CDC42BPB: variants seen among roughly 807,000 people sequenced by gnomAD.
CDC42BPB encodes serine/threonine-protein kinase MRCK beta.
A neutral mutation model predicts 214.9 loss-of-function variants in CDC42BPB; 37 were observed. The ratio of observed to expected loss-of-function variants is 0.17; its 90% CI spans 0.13 to 0.23. CDC42BPB has a LOEUF of 0.23. CDC42BPB is among the 10% of genes least tolerant of loss of function. The pLI is 1.00. For synonymous variants in CDC42BPB, 931 were observed against 884.0 expected (o/e 1.05, Z -0.94); for missense variants, 1,694 against 2,227.0 (o/e 0.76, Z 4.82).
At chr14:102,987,381 C>A (rs1041148836) in intron 5 of CDC42BPB, among the ~76,000 whole-genome samples, 2 of 152,252 alleles carry the variant, frequency 1.3e-5, no homozygotes, top group Non-Finnish European at 2.9e-5. Flanking sequence ...CATGACTCAA[C>A]AGTATGAATG....
At chr14:103,050,782 A>C (rs149568112) in intron 1 of CDC42BPB, among the ~76,000 whole-genome samples, 1 of 151,952 alleles carries the variant, frequency 6.6e-6, no homozygotes, top group Admixed American at 6.6e-5. Context: ...AATTCTTAAC[A>C]GTTTTCCAAC....
intron 20 of CDC42BPB, 128 bp from the exon 21 acceptor site, chr14:102,959,838 TAAAAAA>T (rs35833302): frequency 5.7e-5 from 41 of 718,038 alleles, no homozygotes; most frequent in Non-Finnish European, 6.5e-5. Context: ...TGATCACAAT[TAAAAAA>T]AAAAAAAAAA....
intron 19 of CDC42BPB, among the ~76,000 whole-genome samples, chr14:102,964,210 C>T (rs3818287): frequency 5.3e-5 from 8 of 152,272 alleles, no homozygotes; most frequent in African/African-American, 1.7e-4. Context: ...GTGTGAGTCT[C>T]GCTACCCAGC....
At chr14:102,975,080 T>G (rs1893676809) in intron 11 of CDC42BPB, among the ~76,000 whole-genome samples, 1 of 152,170 alleles carries the variant, frequency 6.6e-6, no homozygotes, top group Admixed American at 6.5e-5. Context: ...AGTCACTGAT[T>G]AAGCTTTAGG....
intron 1 of CDC42BPB, among the ~76,000 whole-genome samples, chr14:103,031,234 C>A (rs543785185): frequency 2.6e-5 from 4 of 152,168 alleles, no homozygotes; most frequent in Admixed American, 6.5e-5. Context: ...GGCTCACCAT[C>A]CCCACGTAAA....
At chr14:102,979,181 G>C (rs1893887952) in intron 8 of CDC42BPB, among the ~76,000 whole-genome samples, 2 of 151,624 alleles carry the variant, frequency 1.3e-5, no homozygotes, top group South Asian at 4.2e-4. Context: ...AGCCATCAAA[G>C]CAAGTATTCG....
intron 5 of CDC42BPB, among the ~76,000 whole-genome samples, chr14:102,998,746 G>A (rs34539819): frequency 6.6e-6 from 1 of 152,182 alleles, no homozygotes; most frequent in Non-Finnish European, 1.5e-5. Flanking sequence ...TATTTCCTTT[G>A]TGAGTGTCCT....
At chr14:103,014,091 G>A (rs1411724932) in intron 1 of CDC42BPB, among the ~76,000 whole-genome samples, 1 of 151,980 alleles carries the variant, frequency 6.6e-6, no homozygotes, top group Non-Finnish European at 1.5e-5. Flanking sequence ...GCGTGAACCT[G>A]GGAGGTGGAG....
At chr14:102,975,643 C>A (rs746446382) in intron 11 of CDC42BPB, 41 bp downstream of exon 11, 2 of 1,602,356 alleles carry the variant, frequency 1.2e-6, no homozygotes, top group Non-Finnish European at 8.5e-7. Flanking sequence ...ACAGTAATGA[C>A]CAAAAATAGA....
At chr14:103,047,040 C>T (rs1000321775) in intron 1 of CDC42BPB, among the ~76,000 whole-genome samples, 1 of 151,574 alleles carries the variant, frequency 6.6e-6, no homozygotes, top group Non-Finnish European at 1.5e-5. Flanking sequence ...ATCCCAAGCA[C>T]TCTGGGAGGC....
Position 102,968,262 on chromosome 14 carries a change from T to G in CDC42BPB, c.2337A>C (p.Glu779Asp). ...LFDENKKLTA[E>D]NEKLCSFVDK... ...ACTTTGAATTAATTACCTTTTCATT[T>G]TCAGCAGTTAGCTTCTTGTTTTCAT... Residue 779 changes from glutamate (E) to aspartate (D), a missense_variant, in exon 16 of 37, where the codon GAA (glutamate) becomes GAC (aspartate). By Grantham distance (45) the Glu-to-Asp change is conservative. This residue lies in a region of CDC42BPB where 462 missense variants were observed against 513.5 expected (regional missense o/e 0.90). Transcript: ENST00000361246. 6.2e-7 allele frequency: 1 copy of G among 1,612,058 alleles called. No individual in the cohort carries two copies. The highest frequency in any genetic ancestry group is 8.5e-7 in the Non-Finnish European group (1 of 1,178,486).
intron 4 of CDC42BPB, among the ~76,000 whole-genome samples, chr14:103,003,021 A>G (rs1445979901): frequency 6.6e-6 from 1 of 152,152 alleles, no homozygotes; most frequent in Non-Finnish European, 1.5e-5. Flanking sequence ...CGCACAACCC[A>G]GGAGCTTCAG....
At chr14:102,986,027 A>C (rs188952675) in intron 6 of CDC42BPB, among the ~76,000 whole-genome samples, 68 of 152,336 alleles carry the variant, frequency 4.5e-4, no homozygotes, top group African/African-American at 1.6e-3. Context: ...CTGAGCACCT[A>C]GGACTCTATT....
chr14:103,051,153 G>T (rs1888582980), intron 1 of CDC42BPB, among the ~76,000 whole-genome samples: 1 of 147,698 alleles, frequency 6.8e-6, no homozygotes, highest in Admixed American at 6.7e-5. Flanking sequence ...TGTATTTGGG[G>T]CGGGGGGGCG....
chr14:102,950,696 C>T, intron 24 of CDC42BPB, 94 bp from the exon 25 acceptor site: 2 of 1,389,094 alleles, frequency 1.4e-6, no homozygotes, highest in Non-Finnish European at 1.9e-6. Flanking sequence ...TAATAATCAC[C>T]AGGTCTCGCC....
chr14:102,972,630 A>G (rs1459677732), intron 12 of CDC42BPB, among the ~76,000 whole-genome samples: 7 of 142,670 alleles, frequency 4.9e-5, no homozygotes, highest in Non-Finnish European at 1.1e-4. Flanking sequence ...CAGAGGTTGC[A>G]GTGAGCCGAG....
intron 1 of CDC42BPB, among the ~76,000 whole-genome samples, chr14:103,019,682 T>A (rs969531758): frequency 5.3e-5 from 8 of 152,184 alleles, no homozygotes; most frequent in Admixed American, 2.6e-4. Context: ...AGATTTTCCA[T>A]CCAAAAGGCT....
intron 5 of CDC42BPB, among the ~76,000 whole-genome samples, chr14:102,988,703 T>C (rs979648940): frequency 2.0e-5 from 3 of 152,142 alleles, no homozygotes; most frequent in Non-Finnish European, 4.4e-5. Flanking sequence ...CTTAAATAAA[T>C]TGGTGTTGTG....
intron 1 of CDC42BPB, among the ~76,000 whole-genome samples, chr14:103,037,327 G>GT (rs1387522400): frequency 1.3e-5 from 2 of 150,866 alleles, no homozygotes; most frequent in Non-Finnish European, 3.0e-5. Flanking sequence ...GCGTCTCACT[G>GT]TGTCACCCAG....
Sources: gnomAD v4.1 joint callset for allele counts (sites outside exome capture counted in the v4.1 genomes callset) on GRCh38, gnomAD v4.1.1 for gene constraint, gnomAD v4.1.1 regional missense constraint, MANE v1.5 for transcripts, NCBI Gene and HGNC (gene_info 2026-07-23, HGNC 2026-07-21) for gene names.